Variants in SH3BGRL observed in about 807,000 individuals in gnomAD.
The protein encoded by SH3BGRL is adapter SH3BGRL.
Under a neutral mutation model 9.8 loss-of-function variants are expected in SH3BGRL, and 7 were observed. That is an observed-to-expected ratio of 0.72 (90% CI 0.41 to 1.35). The LOEUF is 1.35. Among genes scored for constraint, SH3BGRL ranks in the 40% most tolerant of loss-of-function variants. The pLI, the probability that SH3BGRL is intolerant of heterozygous loss-of-function variation, is 0.01. For missense variants in SH3BGRL, 73 were observed against 84.4 expected (o/e 0.86, Z 0.53); for synonymous variants, 36 against 29.1 (o/e 1.24, Z -0.76).
chrX:81,211,511 C>T (rs1315706137), intron 1 of SH3BGRL, among the ~76,000 whole-genome samples: 1 of 110,088 alleles, frequency 9.1e-6, no homozygotes, highest in South Asian at 3.9e-4. Context: ...GGTGTGAACC[C>T]GGGAGGCGGA....
intron 3 of SH3BGRL, among the ~76,000 whole-genome samples, chrX:81,289,189 T>G (rs1296109684): frequency 8.9e-6 from 1 of 112,145 alleles, no homozygotes; most frequent in Non-Finnish European, 1.9e-5. Context: ...GAGAGTCACT[T>G]CAATAGATGG....
At chrX:81,266,285 C>T (rs1429206068) in intron 1 of SH3BGRL, among the ~76,000 whole-genome samples, 1 of 111,614 alleles carries the variant, frequency 9.0e-6, no homozygotes, top group Non-Finnish European at 1.9e-5. Flanking sequence ...TGCCTATGTC[C>T]TGAATGGTAT....
chrX:81,274,245 T>C (rs1196871401), intron 1 of SH3BGRL, among the ~76,000 whole-genome samples: 1 of 111,331 alleles, frequency 9.0e-6, no homozygotes, highest in Non-Finnish European at 1.9e-5. Context: ...TTAGGGAAAT[T>C]AGGAAATTAC....
At chrX:81,223,126 C>A (rs2075605529) in intron 1 of SH3BGRL, among the ~76,000 whole-genome samples, 1 of 111,069 alleles carries the variant, frequency 9.0e-6, no homozygotes, top group African/African-American at 3.3e-5. Context: ...CTGTAGGTTG[C>A]CTGTTCACTC....
At chrX:81,214,735 C>A (rs1319588235) in intron 1 of SH3BGRL, among the ~76,000 whole-genome samples, 2 of 111,664 alleles carry the variant, frequency 1.8e-5, no homozygotes, top group Admixed American at 1.9e-4. Flanking sequence ...CATTTTATTA[C>A]CCTCGTAAAA....
At chrX:81,205,510 A>G (rs897162452) in intron 1 of SH3BGRL, among the ~76,000 whole-genome samples, 9 of 102,755 alleles carry the variant, frequency 8.8e-5, no homozygotes, top group African/African-American at 3.3e-4. Flanking sequence ...GTGTGTATAT[A>G]TATATATATA....
chrX:81,229,264 C>A (rs1356047250), intron 1 of SH3BGRL, among the ~76,000 whole-genome samples: 3 of 111,101 alleles, frequency 2.7e-5, no homozygotes, highest in African/African-American at 9.8e-5. Context: ...CTGTGGGACT[C>A]TGACCCCACA....
chrX:81,282,715 C>T (rs1157711178), intron 3 of SH3BGRL, among the ~76,000 whole-genome samples: 1 of 111,680 alleles, frequency 9.0e-6, no homozygotes, highest in Non-Finnish European at 1.9e-5. Context: ...TAAACGCCTA[C>T]ATCAAAAAGT....
intron 3 of SH3BGRL, among the ~76,000 whole-genome samples, chrX:81,294,655 G>T (rs2147725039): frequency 9.0e-6 from 1 of 111,264 alleles, no homozygotes; most frequent in South Asian, 3.8e-4. Flanking sequence ...CCCTACCGGG[G>T]CACCGCCTAG....
At chrX:81,211,333 T>C (rs1479596473) in intron 1 of SH3BGRL, among the ~76,000 whole-genome samples, 32 of 111,406 alleles carry the variant, frequency 2.9e-4, no homozygotes, top group Middle Eastern at 4.7e-3. Flanking sequence ...GCCTGTAATC[T>C]CAGCACTTTG....
At chrX:81,275,679 C>T (rs2075796553) in intron 1 of SH3BGRL, among the ~76,000 whole-genome samples, 1 of 111,985 alleles carries the variant, frequency 8.9e-6, no homozygotes, top group Admixed American at 9.5e-5. Flanking sequence ...AAACAGAATT[C>T]CCATTAGAAA....
intron 1 of SH3BGRL, among the ~76,000 whole-genome samples, chrX:81,206,206 G>A (rs927623901): frequency 1.8e-5 from 2 of 110,647 alleles, no homozygotes; most frequent in African/African-American, 6.6e-5. Flanking sequence ...CTGTGCAGAA[G>A]CTTTTTAGCT....
chrX:81,289,502 A>T (rs1207887178), intron 3 of SH3BGRL, among the ~76,000 whole-genome samples: 1 of 111,441 alleles, frequency 9.0e-6, no homozygotes, highest in Non-Finnish European at 1.9e-5. Flanking sequence ...GAATGGGAGA[A>T]AATATTTGCA....
intron 3 of SH3BGRL, among the ~76,000 whole-genome samples, chrX:81,287,922 A>G (rs753289715): frequency 3.1e-4 from 34 of 108,748 alleles, no homozygotes; most frequent in African/African-American, 1.1e-3. Context: ...ATCACACTAG[A>G]ATACATAAAA....
intron 1 of SH3BGRL, among the ~76,000 whole-genome samples, chrX:81,223,403 A>G (rs1303014554): frequency 9.0e-6 from 1 of 111,549 alleles, no homozygotes; most frequent in Non-Finnish European, 1.9e-5. Flanking sequence ...ACCATACAAT[A>G]CATGGAGAGC....
intron 1 of SH3BGRL, among the ~76,000 whole-genome samples, chrX:81,269,288 A>G (rs1182660484): frequency 1.2e-4 from 13 of 111,246 alleles, no homozygotes; most frequent in African/African-American, 4.3e-4. Context: ...TCGCCTGTTA[A>G]TTGATGCAGT....
intron 3 of SH3BGRL, among the ~76,000 whole-genome samples, chrX:81,282,512 A>C (rs1015178334): frequency 8.9e-6 from 1 of 112,044 alleles, no homozygotes; most frequent in Non-Finnish European, 1.9e-5. Flanking sequence ...ACTGGAAATC[A>C]ACTCCAAAAG....
chrX:81,244,088 T>A (rs2035844297), intron 1 of SH3BGRL, among the ~76,000 whole-genome samples: 1 of 112,087 alleles, frequency 8.9e-6, no homozygotes, highest in Admixed American at 9.5e-5. Context: ...TTGAGTTATT[T>A]TTTTTCTACC....
At chrX:81,226,516 A>C (rs956064743) in intron 1 of SH3BGRL, among the ~76,000 whole-genome samples, 1 of 103,979 alleles carries the variant, frequency 9.6e-6, no homozygotes, top group Non-Finnish European at 2.0e-5. Flanking sequence ...ATCTATATAT[A>C]TATATCTATA....
Sources: allele counts gnomAD v4.1 joint callset (sites outside exome capture counted in the v4.1 genomes callset), GRCh38; gene constraint gnomAD v4.1.1; transcripts MANE v1.5; gene names NCBI Gene and HGNC (gene_info 2026-07-23, HGNC 2026-07-21).